The following RCAN1 variants were observed in gnomAD, a reference collection of about 807,000 sequenced individuals.
RCAN1 encodes the protein regulator of calcineurin 1, also known as calcipressin-1.
Under a neutral mutation model 22.9 loss-of-function variants are expected in RCAN1, and 11 were observed. The ratio of observed to expected loss-of-function variants is 0.48; its 90% CI spans 0.30 to 0.79. RCAN1 has a LOEUF of 0.79. RCAN1 is among the 30% of genes least tolerant of loss of function. The pLI, the probability that RCAN1 is intolerant of heterozygous loss-of-function variation, is 0.06. For synonymous variants in RCAN1, 136 were observed against 142.3 expected (o/e 0.96, Z 0.32); for missense variants, 291 against 337.8 (o/e 0.86, Z 1.09).
Position 34,614,216 on chromosome 21 carries a change from C to G in RCAN1, c.252+544G>C. On this transcript the variant is annotated intron_variant, in intron 1 of 3. Coordinates refer to ENST00000313806, the MANE Select transcript of RCAN1 (RefSeq NM_004414.7). The surrounding 1 kb of genome is among the most constrained non-coding windows in gnomAD (Gnocchi z 6.0). ...AAGGTCTGAAAGATGGTCCCCTTCC[C>G]CCCAACACAATTCCACCAAAACTGG... The G allele has an allele frequency of 2.0e-6, 2 of 989,702 alleles. No homozygotes were observed. The highest frequency in any genetic ancestry group is 2.4e-6 in the Non-Finnish European group (2 of 829,170). The allele number at this position is 989,702 out of a possible 1,614,324, so 61.3% of individuals were successfully genotyped here.
chr21:34,565,934 G>A (rs11701717), intron 1 of RCAN1, among the ~76,000 whole-genome samples: 27,111 of 152,136 alleles, frequency 0.18, 2,861 homozygotes, highest in South Asian at 0.25. Context: ...GTGTGTGTTC[G>A]TGTGAACCAT....
intron 1 of RCAN1, among the ~76,000 whole-genome samples, chr21:34,544,152 A>G (rs946652528): frequency 6.6e-5 from 10 of 152,214 alleles, no homozygotes; most frequent in African/African-American, 1.7e-4. Context: ...GGTAGGCTGA[A>G]TTCTCAAATG....
intron 1 of RCAN1, among the ~76,000 whole-genome samples, chr21:34,601,264 G>A (rs4817683): frequency 0.45 from 67,743 of 151,940 alleles, 15,280 homozygotes; most frequent in East Asian, 0.5. Context: ...CTTACTATGA[G>A]CCTGATATTA....
rs963324404 is a variant in RCAN1, at chr21:34,516,549, T to A, written c.*1535A>T. On this transcript the variant is annotated 3_prime_UTR_variant, in exon 4 of 4. Transcript: ENST00000313806. ...GCAGTTAAAAAAAATATTTTGAGGT[T>A]AGCCTCTCCAGTTTAAAAGCACTTA... 1 of 152,222 alleles carries A rather than the reference T, an allele frequency of 6.6e-6. No homozygotes were observed. The highest frequency in any genetic ancestry group is 2.4e-5 in the African/African-American group (1 of 41,446). The allele number at this position is 152,222 out of a possible 1,614,324, so 9.4% of individuals were successfully genotyped here. A position where few individuals can be genotyped will look rare whatever the true frequency, so the allele number is the denominator to read the frequency against.
At chr21:34,546,104 C>G (rs1410612063) in intron 1 of RCAN1, among the ~76,000 whole-genome samples, 1 of 152,206 alleles carries the variant, frequency 6.6e-6, no homozygotes, top group Admixed American at 6.5e-5. Flanking sequence ...ATACAACATG[C>G]TGTTTGACCA....
intron 1 of RCAN1, among the ~76,000 whole-genome samples, chr21:34,531,983 A>G (rs955799777): frequency 9.9e-5 from 15 of 152,158 alleles, no homozygotes; most frequent in African/African-American, 3.4e-4. Context: ...CGATGGGTAT[A>G]GAGACCACCA....
At chr21:34,527,927 G>A (rs983077675) in intron 1 of RCAN1, among the ~76,000 whole-genome samples, 1 of 152,038 alleles carries the variant, frequency 6.6e-6, no homozygotes, top group East Asian at 1.9e-4. Flanking sequence ...GAAGATGCAG[G>A]GAAGATGCCT....
intron 1 of RCAN1, chr21:34,524,674 C>G (rs937551130): frequency 6.3e-6 from 1 of 158,388 alleles, no homozygotes; most frequent in Non-Finnish European, 1.4e-5. Flanking sequence ...GCAAATGGAC[C>G]ATTTTCTGCA....
chr21:34,528,724 T>A (rs1440476757), intron 1 of RCAN1, among the ~76,000 whole-genome samples: 1 of 152,188 alleles, frequency 6.6e-6, no homozygotes, highest in East Asian at 1.9e-4. Flanking sequence ...GTCTCCCCCT[T>A]TTCTCTTCTC....
At chr21:34,521,800 A>T (rs1984579857) in intron 2 of RCAN1, 142 bp from the exon 3 acceptor site, 3 of 665,624 alleles carry the variant, frequency 4.5e-6, no homozygotes, top group Non-Finnish European at 7.6e-6. Context: ...CAATTGTAAG[A>T]TGGTCTGTAA....
At chr21:34,564,494 A>G (rs1235513856) in intron 1 of RCAN1, among the ~76,000 whole-genome samples, 1 of 152,106 alleles carries the variant, frequency 6.6e-6, no homozygotes, top group Non-Finnish European at 1.5e-5. Flanking sequence ...CCTGATGTGA[A>G]AGGAGACTGG....
At chr21:34,585,545 C>T (rs1183329646) in intron 1 of RCAN1, among the ~76,000 whole-genome samples, 1 of 151,968 alleles carries the variant, frequency 6.6e-6, no homozygotes, top group African/African-American at 2.4e-5. Context: ...AGATCAAGAC[C>T]ATCCTGGCTA....
chr21:34,579,704 G>C (rs1987537925), intron 1 of RCAN1, among the ~76,000 whole-genome samples: 1 of 152,140 alleles, frequency 6.6e-6, no homozygotes. Flanking sequence ...AGGCTTTATA[G>C]AAAATAGAGT....
At chr21:34,599,951 A>C (rs1988280349) in intron 1 of RCAN1, among the ~76,000 whole-genome samples, 1 of 152,162 alleles carries the variant, frequency 6.6e-6, no homozygotes, top group Non-Finnish European at 1.5e-5. Flanking sequence ...TTTTTGCTTA[A>C]GTCAGCTTGT....
chr21:34,537,987 G>A (rs761068488), intron 1 of RCAN1, among the ~76,000 whole-genome samples: 4 of 152,188 alleles, frequency 2.6e-5, no homozygotes, highest in African/African-American at 9.7e-5. Flanking sequence ...TTATAGCGAC[G>A]ATCTTGATTC....
chr21:34,557,010 C>T (rs550141192), intron 1 of RCAN1, among the ~76,000 whole-genome samples: 22 of 152,132 alleles, frequency 1.4e-4, no homozygotes, highest in Non-Finnish European at 2.6e-4. Context: ...GTCAGGAGTT[C>T]GAGACCAGCC....
At chr21:34,564,924 G>A (rs1266046259) in intron 1 of RCAN1, among the ~76,000 whole-genome samples, 1 of 152,108 alleles carries the variant, frequency 6.6e-6, no homozygotes, top group Admixed American at 6.5e-5. Context: ...AGCTGACCGG[G>A]TGTGGTGGCT....
chr21:34,526,626 A>C, intron 1 of RCAN1: 1 of 1,597,434 alleles, frequency 6.3e-7, no homozygotes, highest in South Asian at 1.1e-5. Context: ...TAATGCTTTG[A>C]AAACTAAAGA....
At chr21:34,568,249 G>T (rs1277160342) in intron 1 of RCAN1, among the ~76,000 whole-genome samples, 1 of 152,164 alleles carries the variant, frequency 6.6e-6, no homozygotes, top group Non-Finnish European at 1.5e-5. Flanking sequence ...TTGAAATCTA[G>T]ACACTTTTTT....
Sources: gnomAD v4.1 joint callset for allele counts (sites outside exome capture counted in the v4.1 genomes callset) on GRCh38, gnomAD v4.1.1 for gene constraint, Gnocchi (gnomAD v3.1) non-coding constraint, MANE v1.5 for transcripts, NCBI Gene and HGNC (gene_info 2026-07-23, HGNC 2026-07-21) for gene names.